Variants in CBLN2 observed in about 807,000 individuals in gnomAD.
CBLN2 encodes the protein cerebellin-2.
CBLN2 carries 7 observed loss-of-function variants against 15.0 expected under a neutral mutation model. That is an observed-to-expected ratio of 0.47 (90% CI 0.27 to 0.88). The LOEUF is 0.88. Among genes scored for constraint, CBLN2 ranks in the 40% least tolerant of loss-of-function variants. The pLI is 0.14. For missense variants in CBLN2, 242 were observed against 304.5 expected, an observed-to-expected ratio of 0.79 and a Z score of 1.53; for synonymous variants, 149 against 135.2, an observed-to-expected ratio of 1.10 and a Z score of -0.71.
At position 72,538,187 on chromosome 18, in the gene CBLN2, A is replaced by G; in HGVS notation, c.664T>C (p.Phe222Leu). 6.2e-7 allele frequency: 1 copy of G among 1,614,088 alleles called. No homozygotes were observed. Among genetic ancestry groups the G allele is most frequent in the Non-Finnish European group, 8.5e-7 (1 of 1,180,022 alleles). The change falls in exon 5 of 5, where the codon TTT becomes CTT. Residue 222 changes from phenylalanine to leucine, a missense_variant. Phe to Leu is a conservative substitution (Grantham distance 22). Transcript: ENST00000269503. ...KYSTFSGFLV[F>L]PL ...AGGGGGCTCTGTGTTTATAGAGGAAACACCAAGAAGCCCGAGAATGTGGAG... is the reference window on the plus strand; with the variant it reads ...AGGGGGCTCTGTGTTTATAGAGGAAGCACCAAGAAGCCCGAGAATGTGGAG...
chr18:72,598,111 T>C (rs896091277), intron 1 of CBLN2, among the ~76,000 whole-genome samples: 1 of 152,128 alleles, frequency 6.6e-6, no homozygotes, highest in Non-Finnish European at 1.5e-5. Context: ...AAAGCAGAAA[T>C]AGTCTTTCCC....
In CBLN2 at chr18:72,638,447, A is replaced by G. The variant is rs933947963; in HGVS notation, c.-108T>C. 1.5e-5 allele frequency: 6 copies of G among 397,508 alleles called. No homozygotes were observed. The Admixed American group carries it at 1.8e-4, about 12-fold the overall frequency. 24.6% of individuals were successfully genotyped at this position (397,508 alleles called of 1,614,324 possible). ...ATCTAATTTCACTTAGGATCTATCC[A>G]ATGACAGACTTGTTATCCTCACTGA... is the stretch of plus-strand genomic sequence containing the variant. On this transcript the variant is annotated 5_prime_UTR_variant, in exon 1 of 3. Transcript: ENST00000581073.
intron 1 of CBLN2, chr18:72,619,121 C>T: frequency 1.3e-6 from 1 of 743,930 alleles, no homozygotes; most frequent in South Asian, 1.3e-5. Flanking sequence ...GAAGCTCTGG[C>T]CCCTATGGTG....
At position 72,538,692 on chromosome 18, in the gene CBLN2, G is replaced by A; in HGVS notation, c.438C>T (p.Ser146=). Residue 146 remains serine (S), a synonymous_variant, in exon 4 of 5, where the codon AGC becomes AGT. Coordinates refer to ENST00000269503, the MANE Select transcript of CBLN2 (RefSeq NM_182511.4). ...VAPRKGIYSF[S]FHVVKVYNRQ... Reference sequence around the variant, plus strand: ...TGTTATACACTTTGACCACGTGGAAGCTGAAGCTATAAATCCCTTTTCTCG... The same window carrying A: ...TGTTATACACTTTGACCACGTGGAAACTGAAGCTATAAATCCCTTTTCTCG... The A allele has an allele frequency of 6.2e-7, 1 of 1,614,112 alleles. No individual in the cohort carries two copies. Among genetic ancestry groups the A allele is most frequent in the South Asian group, 1.1e-5 (1 of 91,076 alleles).
intron 1 of CBLN2, among the ~76,000 whole-genome samples, chr18:72,627,350 C>G (rs530763407): frequency 6.6e-6 from 1 of 152,234 alleles, no homozygotes; most frequent in South Asian, 2.1e-4. Flanking sequence ...TGTCAGAAAA[C>G]ATTTTATATC....
chr18:72,637,598 C>T (rs2069822407), intron 1 of CBLN2, among the ~76,000 whole-genome samples: 1 of 152,132 alleles, frequency 6.6e-6, no homozygotes, highest in African/African-American at 2.4e-5. Flanking sequence ...GCTCTGTGAG[C>T]CCCCGAGTTA....
intron 1 of CBLN2, among the ~76,000 whole-genome samples, chr18:72,609,954 C>G (rs1261476494): frequency 6.6e-6 from 1 of 152,128 alleles, no homozygotes; most frequent in African/African-American, 2.4e-5. Flanking sequence ...CTACGCCTGT[C>G]TCACTGAAAC....
intron 1 of CBLN2, among the ~76,000 whole-genome samples, chr18:72,550,519 C>T (rs796788109): frequency 3.9e-5 from 6 of 152,198 alleles, no homozygotes; most frequent in African/African-American, 1.2e-4. Flanking sequence ...AGAAGATGGG[C>T]TACGGAGGCG....
At chr18:72,567,578 C>T (rs1159115186) in intron 1 of CBLN2, among the ~76,000 whole-genome samples, 1 of 152,132 alleles carries the variant, frequency 6.6e-6, no homozygotes, top group Non-Finnish European at 1.5e-5. Flanking sequence ...ATGGAGAAGT[C>T]GAGGGTTACA....
chr18:72,563,709 C>G (rs1414638196), intron 1 of CBLN2, among the ~76,000 whole-genome samples: 1 of 152,194 alleles, frequency 6.6e-6, no homozygotes, highest in Admixed American at 6.5e-5. Flanking sequence ...CCAAGAGTAG[C>G]TGTGGCCATC....
chr18:72,623,166 T>C (rs1796278187), intron 1 of CBLN2, among the ~76,000 whole-genome samples: 1 of 152,000 alleles, frequency 6.6e-6, no homozygotes, highest in Non-Finnish European at 1.5e-5. Context: ...CATGAGAACA[T>C]CATGGGGGAA....
intron 1 of CBLN2, among the ~76,000 whole-genome samples, chr18:72,617,931 C>G (rs143409477): frequency 6.6e-6 from 1 of 150,502 alleles, no homozygotes; most frequent in East Asian, 1.9e-4. Flanking sequence ...TATTCCAGAA[C>G]GAGAAAAAGA....
At chr18:72,632,906 C>T (rs935580726) in intron 1 of CBLN2, among the ~76,000 whole-genome samples, 12 of 152,096 alleles carry the variant, frequency 7.9e-5, no homozygotes, top group Admixed American at 2.6e-4. Context: ...GGTCCCACAC[C>T]CCTGGTAATT....
intron 1 of CBLN2, among the ~76,000 whole-genome samples, chr18:72,563,553 G>A (rs1042255865): frequency 2.6e-5 from 4 of 152,080 alleles, no homozygotes; most frequent in African/African-American, 7.2e-5. Context: ...TAAAGATTCA[G>A]GATGGCCACA....
At chr18:72,606,170 T>G (rs1459602661) in intron 1 of CBLN2, among the ~76,000 whole-genome samples, 1 of 152,228 alleles carries the variant, frequency 6.6e-6, no homozygotes, top group Non-Finnish European at 1.5e-5. Flanking sequence ...TTTTTCTACC[T>G]TCTTTTTTTG....
rs937199678 is a variant in CBLN2, at chr18:72,542,271, C to T, written c.-111G>A. The T allele has an allele frequency of 1.1e-5, 7 of 633,140 alleles. No individual in the cohort carries two copies. In the South Asian group the frequency reaches 3.1e-4, roughly 28 times the overall value. 39.2% of individuals were successfully genotyped at this position (633,140 alleles called of 1,614,324 possible). On this transcript the variant is annotated 5_prime_UTR_variant, in exon 3 of 5. Transcript: ENST00000269503. The stretch of plus-strand genomic sequence containing the variant: ...CGCAGCAGCCTCCGGGGGCCTTCGT[C>T]CCCGGCTCTGACGTTCAAGGCCAGG...
At chr18:72,551,227 G>T (rs912075098) in intron 1 of CBLN2, among the ~76,000 whole-genome samples, 7 of 151,890 alleles carry the variant, frequency 4.6e-5, no homozygotes, top group Admixed American at 2.0e-4. Flanking sequence ...CATGTCTAAT[G>T]GGTAAAATGT....
chr18:72,604,861 G>A (rs1292892878), intron 1 of CBLN2, among the ~76,000 whole-genome samples: 1 of 152,186 alleles, frequency 6.6e-6, no homozygotes, highest in Non-Finnish European at 1.5e-5. Flanking sequence ...AATTACCTAT[G>A]TTGTAAGCAA....
At position 72,541,789 on chromosome 18, in the gene CBLN2, A is replaced by G; in HGVS notation, c.357+15T>C. Reference sequence around the variant, plus strand: ...TCCCCGGGCTGGGGGCGGGGTGGGCAGGCCGACGGCTGACCTGGTCGAAAT... The same window carrying G: ...TCCCCGGGCTGGGGGCGGGGTGGGCGGGCCGACGGCTGACCTGGTCGAAAT... On this transcript the variant is annotated intron_variant, in intron 3 of 4. Coordinates refer to ENST00000269503, the MANE Select transcript of CBLN2 (RefSeq NM_182511.4). 1.3e-6 allele frequency: 2 copies of G among 1,514,174 alleles called. No individual in the cohort carries two copies. The highest frequency in any genetic ancestry group is 1.8e-6 in the Non-Finnish European group (2 of 1,131,788). The allele number at this position is 1,514,174 out of a possible 1,614,324, so 93.8% of individuals were successfully genotyped here.
Sources: allele counts gnomAD v4.1 joint callset (sites outside exome capture counted in the v4.1 genomes callset), GRCh38; gene constraint gnomAD v4.1.1; transcripts MANE v1.5; gene names NCBI Gene and HGNC (gene_info 2026-07-23, HGNC 2026-07-21).